The following MARS1 variants were observed in gnomAD, a reference collection of about 807,000 sequenced individuals.
MARS1 encodes the protein methionyl-tRNA synthetase 1, also known as methionine--tRNA ligase, cytoplasmic.
A neutral mutation model predicts 119.5 loss-of-function variants in MARS1; 80 were observed. That is an observed-to-expected ratio of 0.67 (90% CI 0.56 to 0.81). The LOEUF (loss-of-function observed/expected upper bound fraction) is 0.81, where lower values mean the gene tolerates loss of function less well. Among genes scored for constraint, MARS1 ranks in the 30% least tolerant of loss-of-function variants. The pLI is 0.00. For missense variants in MARS1, 945 were observed against 1,116.5 expected, an observed-to-expected ratio of 0.85 and a Z score of 2.19; for synonymous variants, 418 against 433.4, an observed-to-expected ratio of 0.96 and a Z score of 0.44.
In MARS1 at chr12:57,489,016, C is replaced by A; in HGVS notation, c.110-3C>A. ...TTTAACCCATTTTCCATTCTTGCAT[C>A]AGATTGTGTGGTCCCGTTCCTGACC... On this transcript the variant is annotated splice_polypyrimidine_tract_variant and splice_region_variant and intron_variant, in intron 1 of 20. Coordinates refer to ENST00000262027, the MANE Select transcript of MARS1 (RefSeq NM_004990.4). 6.2e-7 allele frequency: 1 copy of A among 1,601,028 alleles called. No individual in the cohort carries two copies. The highest frequency in any genetic ancestry group is 8.5e-7 in the Non-Finnish European group (1 of 1,171,586).
chr12:57,492,462 C>T (rs953354929), intron 7 of MARS1, among the ~76,000 whole-genome samples: 1 of 150,966 alleles, frequency 6.6e-6, no homozygotes, highest in Admixed American at 6.6e-5. Context: ...CTGAGATCAG[C>T]AGTTCGAGAC....
chr12:57,494,905 C>CT (rs1368831014), intron 7 of MARS1, among the ~76,000 whole-genome samples: 2 of 152,218 alleles, frequency 1.3e-5, no homozygotes, highest in East Asian at 1.9e-4. Context: ...ATGTCTACTT[C>CT]TTTCCACACA....
chr12:57,510,853 T>C (rs752265779), intron 11 of MARS1, among the ~76,000 whole-genome samples: 7 of 152,032 alleles, frequency 4.6e-5, no homozygotes, highest in South Asian at 2.1e-4. Context: ...GGCGGGAGAA[T>C]TGCTTGACCC....
intron 7 of MARS1, among the ~76,000 whole-genome samples, chr12:57,492,297 C>T (rs1393110196): frequency 2.7e-5 from 4 of 149,660 alleles, no homozygotes; most frequent in Non-Finnish European, 5.9e-5. Context: ...AAAAAAAGTC[C>T]AATGAAGGAA....
chr12:57,506,388 C>T (rs1479781717), intron 11 of MARS1, among the ~76,000 whole-genome samples: 1 of 152,136 alleles, frequency 6.6e-6, no homozygotes, highest in Non-Finnish European at 1.5e-5. Context: ...ATGATTGTAC[C>T]ACTGCATTCC....
In MARS1 at chr12:57,494,762, G is replaced by A. The variant is rs1876500616; in HGVS notation, c.771-3395G>A. ...TGCTTAACAAAGCACATCTTGCACC[G>A]CCCTTAATCCATTTAACCCTGAGTG... On this transcript the variant is annotated intron_variant, in intron 7 of 20. Coordinates refer to ENST00000262027, the MANE Select transcript of MARS1 (RefSeq NM_004990.4). Among the ~76,000 whole-genome samples, 3 of 151,886 alleles carry A rather than the reference G, an allele frequency of 2.0e-5. No homozygotes were observed. The South Asian group carries it at 6.2e-4, about 32-fold the overall frequency.
Position 57,516,635 on chromosome 12 carries a change from A to G in MARS1, c.*54A>G, listed in dbSNP as rs1053025938. 148 of 1,531,444 alleles carry G rather than the reference A, an allele frequency of 9.7e-5. No individual in the cohort carries two copies. Among genetic ancestry groups the G allele is most frequent in the Middle Eastern group, 7.0e-4 (4 of 5,678 alleles). 94.9% of individuals were successfully genotyped at this position (1,531,444 alleles called of 1,614,324 possible). On this transcript the variant is annotated 3_prime_UTR_variant, in exon 21 of 21. Coordinates refer to ENST00000262027, the MANE Select transcript of MARS1 (RefSeq NM_004990.4). Reference sequence around the variant, plus strand: ...AATAGATAGGGACAGTAATAAATAAATGTACAATCTCTATATACAAGCTGA... The same window carrying G: ...AATAGATAGGGACAGTAATAAATAAGTGTACAATCTCTATATACAAGCTGA...
chr12:57,489,527 T>C lies in MARS1; in HGVS notation c.383T>C (p.Leu128Ser), dbSNP rs1236377068. Reference sequence around the variant, plus strand: ...GCCCTGACTCACATTGACCACAGCTTGAGTCGTCAGAACTGTCCTTTCCTG... The same window carrying C: ...GCCCTGACTCACATTGACCACAGCTCGAGTCGTCAGAACTGTCCTTTCCTG... ...RRALTHIDHS[L>S]SRQNCPFLAG... is the part of the protein sequence containing the mutation. The change falls in exon 4 of 21, where the codon TTG becomes TCG. Residue 128 changes from leucine to serine, a missense_variant. By Grantham distance (145) the Leu-to-Ser change is moderately radical. Transcript: ENST00000262027. The C allele has an allele frequency of 6.2e-7, 1 of 1,614,074 alleles. No homozygotes were observed. Among genetic ancestry groups the C allele is most frequent in the Non-Finnish European group, 8.5e-7 (1 of 1,180,038 alleles).
intron 6 of MARS1, 39 bp downstream of exon 6, chr12:57,490,418 G>A: frequency 6.2e-7 from 1 of 1,610,692 alleles, no homozygotes; most frequent in Non-Finnish European, 8.5e-7. Context: ...TGAGGTGGGA[G>A]GTGGCTAGGA....
chr12:57,499,049 C>T (rs372901056), intron 9 of MARS1, among the ~76,000 whole-genome samples: 2 of 151,634 alleles, frequency 1.3e-5, no homozygotes, highest in Non-Finnish European at 2.9e-5. Context: ...TTTGGGAGGC[C>T]GAGGCGGGCG....
intron 15 of MARS1, among the ~76,000 whole-genome samples, chr12:57,514,019 T>C (rs1407790574): frequency 1.5e-5 from 2 of 136,358 alleles, no homozygotes; most frequent in East Asian, 4.3e-4. Context: ...GCCAAGATCA[T>C]GCCACTGTGC....
At chr12:57,493,331 T>A (rs1157042373) in intron 7 of MARS1, among the ~76,000 whole-genome samples, 44 of 101,198 alleles carry the variant, frequency 4.3e-4, no homozygotes, top group African/African-American at 1.8e-3. Flanking sequence ...ATATTATATA[T>A]AATATATGTT....
chr12:57,501,482 TGA>T (rs1407120890), intron 10 of MARS1, among the ~76,000 whole-genome samples: 1 of 152,192 alleles, frequency 6.6e-6, no homozygotes, highest in African/African-American at 2.4e-5. Flanking sequence ...GCCACGAGTT[TGA>T]GACCAGCCTG....
At position 57,489,329 on chromosome 12, in the gene MARS1, A is replaced by C. The variant is rs768615486; in HGVS notation, c.263A>C (p.Glu88Ala). 2.5e-6 allele frequency: 4 copies of C among 1,613,912 alleles called. No individual in the cohort carries two copies. Among genetic ancestry groups the C allele is most frequent in the Non-Finnish European group, 3.4e-6 (4 of 1,180,004 alleles). The change falls in exon 3 of 21, where the codon GAA (glutamate) becomes GCA (alanine). Residue 88 changes from glutamate to alanine, a missense_variant. Coordinates refer to ENST00000262027, the MANE Select transcript of MARS1 (RefSeq NM_004990.4). ...DDLTNQWLEW[E>A]ATELQPALSA... ...CTCACTAACCAGTGGCTGGAATGGGAAGCGACAGAGCTGCAGGTAGGACTA... is the reference window on the plus strand; with the variant it reads ...CTCACTAACCAGTGGCTGGAATGGGCAGCGACAGAGCTGCAGGTAGGACTA...
rs1184019983 is a variant in MARS1, at chr12:57,515,304, T to A, written c.2359T>A (p.Cys787Ser). ...ACSILLTNFL[C>S]TLPAGHQIGT... ...CAGTATCCTGCTGACAAACTTCCTGTGTACCTTACCAGCAGGACACCAGAT... is the reference window on the plus strand; with the variant it reads ...CAGTATCCTGCTGACAAACTTCCTGAGTACCTTACCAGCAGGACACCAGAT... The change falls in exon 18 of 21, where the codon TGT becomes AGT. Residue 787 changes from cysteine to serine, a missense_variant. Physicochemically the swap from Cys to Ser is moderately radical, Grantham distance 112. Transcript: ENST00000262027. The A allele has an allele frequency of 6.2e-7, 1 of 1,613,552 alleles. No individual in the cohort carries two copies. The highest frequency in any genetic ancestry group is 8.5e-7 in the Non-Finnish European group (1 of 1,180,032).
intron 1 of MARS1, 85 bp downstream of exon 1, chr12:57,488,284 C>G (rs1875612502): frequency 3.1e-6 from 4 of 1,310,492 alleles, no homozygotes; most frequent in African/African-American, 2.9e-5. Flanking sequence ...TTGCCAAACC[C>G]CTAGCCCTCG....
At chr12:57,505,531 G>A (rs1000652256) in intron 11 of MARS1, among the ~76,000 whole-genome samples, 1 of 152,254 alleles carries the variant, frequency 6.6e-6, no homozygotes, top group East Asian at 1.9e-4. Flanking sequence ...AAATAGGCTG[G>A]GCGCAGTGGC....
At chr12:57,497,367 T>A (rs753173480) in intron 7 of MARS1, among the ~76,000 whole-genome samples, 5 of 151,804 alleles carry the variant, frequency 3.3e-5, no homozygotes, top group African/African-American at 4.8e-5. Context: ...AGGGTTGAGG[T>A]TAATGTGAGG....
rs374963162 is a variant in MARS1, at chr12:57,515,943, G to A, written c.2415G>A (p.Leu805=). 29 of 1,613,894 alleles carry A rather than the reference G, an allele frequency of 1.8e-5. No individual in the cohort carries two copies. The African/African-American group carries it at 3.2e-4, about 18-fold the overall frequency. Residue 805 remains leucine (L), a synonymous_variant, in exon 19 of 21, where the codon TTG becomes TTA. Transcript: ENST00000262027. The stretch of plus-strand genomic sequence containing the variant: ...AGGTCAGTCCCTTGTTCCAAAAATT[G>A]GAAAATGACCAGATTGAAAGTTTAA... ...IGTVSPLFQK[L]ENDQIESLRQ... is the part of the protein sequence containing the mutation.
Sources: allele counts gnomAD v4.1 joint callset (sites outside exome capture counted in the v4.1 genomes callset), GRCh38; gene constraint gnomAD v4.1.1; transcripts MANE v1.5; gene names NCBI Gene and HGNC (gene_info 2026-07-23, HGNC 2026-07-21).